The following MTA3 variants were observed in gnomAD, a reference collection of about 807,000 sequenced individuals.
The protein encoded by MTA3 is metastasis-associated protein MTA3.
In MTA3, 34 loss-of-function variants were observed where a neutral mutation model predicts 83.5. The ratio of observed to expected loss-of-function variants is 0.41; its 90% CI spans 0.31 to 0.54. The LOEUF (loss-of-function observed/expected upper bound fraction) is 0.54, where lower values mean the gene tolerates loss of function less well. MTA3 is among the 20% of genes least tolerant of loss of function. The pLI is 0.33. For synonymous variants in MTA3, 303 were observed against 252.7 expected (o/e 1.20, Z -1.89); for missense variants, 761 against 726.4 (o/e 1.05, Z -0.55).
chr2:42,741,533 C>A (rs937699757), intron 16 of MTA3, among the ~76,000 whole-genome samples: 3 of 152,150 alleles, frequency 2.0e-5, no homozygotes, highest in Non-Finnish European at 4.4e-5. Flanking sequence ...CGCTTCAACA[C>A]TTAAAAGCCA....
chr2:42,511,832 C>G (rs1430574282), intron 2 of MTA3: 1 of 152,174 alleles, frequency 6.6e-6, no homozygotes, highest in Non-Finnish European at 1.5e-5. Context: ...TCCTAGCTAA[C>G]ACAGTGAAAC....
At chr2:42,724,711 T>A (rs1667696054) in intron 16 of MTA3, among the ~76,000 whole-genome samples, 1 of 152,182 alleles carries the variant, frequency 6.6e-6, no homozygotes, top group Admixed American at 6.5e-5. Context: ...CTTCTTTCAC[T>A]CACACCCTGT....
chr2:42,511,014 C>T (rs1258330232), intron 2 of MTA3, among the ~76,000 whole-genome samples: 1 of 152,170 alleles, frequency 6.6e-6, no homozygotes, highest in East Asian at 1.9e-4. Flanking sequence ...TCAAAAACAC[C>T]TGCTGTTCTT....
intron 9 of MTA3, among the ~76,000 whole-genome samples, chr2:42,683,427 A>G (rs1005796064): frequency 2.0e-5 from 3 of 152,194 alleles, no homozygotes; most frequent in Non-Finnish European, 4.4e-5. Flanking sequence ...TTTGGCACCA[A>G]GGACCAGTTT....
At chr2:42,702,311 A>G (rs1034197733) in intron 11 of MTA3, 8 of 152,396 alleles carry the variant, frequency 5.2e-5, no homozygotes, top group African/African-American at 1.7e-4. Flanking sequence ...CCTATTTTAT[A>G]GAGTAGAGAT....
upstream of MTA3, among the ~76,000 whole-genome samples, chr2:42,565,695 A>G (rs549829396): frequency 8.3e-4 from 126 of 152,202 alleles, no homozygotes; most frequent in African/African-American, 2.9e-3. Context: ...AACAAGTGCC[A>G]AACACCTTCT....
At chr2:42,531,998 T>G (rs1294309946) in intron 2 of MTA3, among the ~76,000 whole-genome samples, 3 of 152,166 alleles carry the variant, frequency 2.0e-5, no homozygotes, top group Non-Finnish European at 4.4e-5. Flanking sequence ...CCTCATGATC[T>G]GCCCACCTCG....
At chr2:42,554,898 G>T (rs1677303539) in intron 2 of MTA3, among the ~76,000 whole-genome samples, 2 of 152,126 alleles carry the variant, frequency 1.3e-5, no homozygotes, top group Non-Finnish European at 1.5e-5. Flanking sequence ...TGATTAAAAG[G>T]ATAATGGTTT....
rs113155499 is a variant in MTA3 at position 42,722,536 on chromosome 2, A to G, written c.1613-353A>G. On this transcript the variant is annotated intron_variant, in intron 15 of 16. Coordinates refer to ENST00000405094, the MANE Select transcript of MTA3 (RefSeq NM_001330442.2). Reference sequence around the variant, plus strand: ...GTTTTACCCCCCTCACCCCAAGGCTACCTCTCCAGATAGCCTTTTGATGTC... The same window carrying G: ...GTTTTACCCCCCTCACCCCAAGGCTGCCTCTCCAGATAGCCTTTTGATGTC... Among the ~76,000 whole-genome samples the G allele has an allele frequency of 1.9e-4, 29 of 152,172 alleles. 2 individuals carry two copies. The highest frequency in any genetic ancestry group is 6.0e-4 in the African/African-American group (25 of 41,506).
intron 2 of MTA3, among the ~76,000 whole-genome samples, chr2:42,509,449 G>A (rs1043099559): frequency 6.6e-6 from 1 of 152,130 alleles, no homozygotes; most frequent in Non-Finnish European, 1.5e-5. Flanking sequence ...TTCCTAGAAC[G>A]GTGCTTGGCT....
intron 16 of MTA3, among the ~76,000 whole-genome samples, chr2:42,751,933 C>T (rs1669903321): frequency 6.6e-6 from 1 of 152,170 alleles, no homozygotes; most frequent in Non-Finnish European, 1.5e-5. Context: ...TAGCAGAACA[C>T]TGGGCTGGAT....
chr2:42,587,950 A>G (rs1392522550), intron 3 of MTA3, among the ~76,000 whole-genome samples: 1 of 152,184 alleles, frequency 6.6e-6, no homozygotes, highest in African/African-American at 2.4e-5. Context: ...GAATCACTGC[A>G]ACAGAAATGC....
At chr2:42,693,875 C>T (rs1693135630) in intron 9 of MTA3, among the ~76,000 whole-genome samples, 1 of 152,158 alleles carries the variant, frequency 6.6e-6, no homozygotes, top group African/African-American at 2.4e-5. Flanking sequence ...CTGGGTCACA[C>T]TGTAGTCAGC....
At chr2:42,629,930 C>G (rs989715656) in intron 4 of MTA3, among the ~76,000 whole-genome samples, 1 of 152,078 alleles carries the variant, frequency 6.6e-6, no homozygotes, top group South Asian at 2.1e-4. Flanking sequence ...AGCGGCCTGT[C>G]ACCACACCCG....
At chr2:42,718,879 G>A (rs114240775) in intron 14 of MTA3, 109 bp from the exon 15 acceptor site, 513 of 724,606 alleles carry the variant, frequency 7.1e-4, no homozygotes, top group Non-Finnish European at 1.1e-3. Flanking sequence ...CGGGAATCTG[G>A]TGGCTATTTT....
In MTA3 at chr2:42,755,737, T is replaced by C; in HGVS notation, c.*2338T>C. 4 of 985,648 alleles carry C rather than the reference T, an allele frequency of 4.1e-6. No homozygotes were observed. Among genetic ancestry groups the C allele is most frequent in the South Asian group, 9.4e-5 (2 of 21,290 alleles). The allele number at this position is 985,648 out of a possible 1,614,324, so 61.1% of individuals were successfully genotyped here. On this transcript the variant is annotated 3_prime_UTR_variant, in exon 17 of 17. Transcript: ENST00000405094. ...GCCACCCGCTCCCTTTCTGGGGCCA[T>C]GGTGTCCCTGCTGTGTGTCAGTGGC...
chr2:42,677,581 C>T (rs932877032), intron 8 of MTA3, among the ~76,000 whole-genome samples: 2 of 151,990 alleles, frequency 1.3e-5, no homozygotes, highest in Non-Finnish European at 2.9e-5. Flanking sequence ...TGAGCTCAGG[C>T]AGTCCGCCTG....
intron 2 of MTA3, among the ~76,000 whole-genome samples, chr2:42,547,946 C>G (rs112346266): frequency 0.021 from 3,180 of 152,190 alleles, 93 homozygotes; most frequent in African/African-American, 0.073. Context: ...AGTTCGTCCA[C>G]GAGGACTCAA....
At position 42,756,452 on chromosome 2, in the gene MTA3, G is replaced by A. The variant is rs1160208746; in HGVS notation, c.*3053G>A. The A allele has an allele frequency of 5.1e-6, 5 of 985,370 alleles. No individual in the cohort carries two copies. In the East Asian group the frequency reaches 3.4e-4, roughly 67 times the overall value. The allele number at this position is 985,370 out of a possible 1,614,324, so 61.0% of individuals were successfully genotyped here. A position where few individuals can be genotyped will look rare whatever the true frequency, so the allele number is the denominator to read the frequency against. On this transcript the variant is annotated 3_prime_UTR_variant, in exon 17 of 17. Transcript: ENST00000405094. ...CCCTGCCACTCAGAGCAGAGCAGGGGGCTGAGGGCAAGCAGGTGGGGCTGT... is the reference window on the plus strand; with the variant it reads ...CCCTGCCACTCAGAGCAGAGCAGGGAGCTGAGGGCAAGCAGGTGGGGCTGT...
Sources: allele counts gnomAD v4.1 joint callset (sites outside exome capture counted in the v4.1 genomes callset), GRCh38; gene constraint gnomAD v4.1.1; transcripts MANE v1.5; gene names NCBI Gene and HGNC (gene_info 2026-07-23, HGNC 2026-07-21).